ZNF331: variants seen among roughly 807,000 people sequenced by gnomAD.
ZNF331 encodes zinc finger protein 331.
ZNF331 carries 2 observed loss-of-function variants against 7.0 expected under a neutral mutation model. The observed-to-expected ratio is 0.29, with a 90% CI of 0.12 to 0.90. The LOEUF (loss-of-function observed/expected upper bound fraction) is 0.90. Among genes scored for constraint, ZNF331 ranks in the 40% least tolerant of loss-of-function variants. ZNF331 has a pLI of 0.58. For synonymous variants in ZNF331, 196 were observed against 205.4 expected, an observed-to-expected ratio of 0.95 and a Z score of 0.39; for missense variants, 432 against 587.7, an observed-to-expected ratio of 0.74 and a Z score of 2.74.
At chr19:53,530,400 G>C (rs572066182) in intron 2 of ZNF331, among the ~76,000 whole-genome samples, 1 of 151,934 alleles carries the variant, frequency 6.6e-6, no homozygotes, top group Non-Finnish European at 1.5e-5. Context: ...AGTTCAACTG[G>C]AGATTTAGAC....
At chr19:53,559,144 A>G (rs1221662862) in intron 3 of ZNF331, among the ~76,000 whole-genome samples, 1 of 144,162 alleles carries the variant, frequency 6.9e-6, no homozygotes, top group African/African-American at 2.5e-5. Context: ...CCATGTACAC[A>G]CACATATACA....
chr19:53,503,954 T>C, the ZNF331 span: 1 of 626,432 alleles, frequency 1.6e-6, no homozygotes, highest in African/African-American at 1.9e-5. Context: ...CCTGATGTGA[T>C]CTGCCTGGGG....
intron 3 of ZNF331, among the ~76,000 whole-genome samples, chr19:53,559,300 C>G (rs962196045): frequency 1.3e-5 from 2 of 150,398 alleles, no homozygotes; most frequent in South Asian, 4.2e-4. Context: ...CATACGTATA[C>G]AAACACACCC....
rs775913323 is a variant in ZNF331 at position 53,576,898 on chromosome 19, C to T, written c.338C>T (p.Thr113Ile). 1.2e-6 allele frequency: 2 copies of T among 1,613,934 alleles called. No homozygotes were observed. Among genetic ancestry groups the T allele is most frequent in the Non-Finnish European group, 1.7e-6 (2 of 1,179,970 alleles). The change falls in exon 6 of 6, where the codon ACT becomes ATT. Residue 113 changes from threonine (T) to isoleucine (I), a missense_variant. Physicochemically the swap from Thr to Ile is moderately conservative, Grantham distance 89 (BLOSUM62 -1). Around this residue, in one of 3 missense-constraint regions of ZNF331, gnomAD observed 81 missense variants for 70.3 expected, o/e 1.15. Coordinates refer to ENST00000449416, the MANE Select transcript of ZNF331 (RefSeq NM_001079906.2). ...MIINYVKRPA[T>I]REGTPPRTHQ... ...ATCAATTATGTCAAAAGACCTGCTA[C>T]TAGAGAAGGCACCCCTCCTAGAACA...
the ZNF331 span, among the ~76,000 whole-genome samples, chr19:53,507,066 T>C: frequency 1.1e-4 from 16 of 152,278 alleles, no homozygotes; most frequent in South Asian, 2.9e-3. Context: ...AAATGCAGCC[T>C]TCTGTTTTCC....
At position 53,578,719 on chromosome 19, in the gene ZNF331, A is replaced by C. The variant is rs974032872; in HGVS notation, c.*767A>C. 4.8e-6 allele frequency: 1 copy of C among 210,040 alleles called. No individual in the cohort carries two copies. The highest frequency in any genetic ancestry group is 9.7e-6 in the Non-Finnish European group (1 of 103,464). The allele number at this position is 210,040 out of a possible 1,614,324, so 13.0% of individuals were successfully genotyped here. ...GTACAAAGAATATAGGAAGGCCTCT[A>C]GACTACATCCATTCCTTCCTCAACA... On this transcript the variant is annotated 3_prime_UTR_variant, in exon 6 of 6. Transcript: ENST00000449416.
chr19:53,527,020 C>A (rs953096945), intron 2 of ZNF331, among the ~76,000 whole-genome samples: 2 of 151,652 alleles, frequency 1.3e-5, no homozygotes, highest in African/African-American at 4.8e-5. Flanking sequence ...GAAACCCCGT[C>A]TCTACTAAAA....
chr19:53,524,955 A>G (rs1344384363), intron 2 of ZNF331, among the ~76,000 whole-genome samples: 2 of 152,260 alleles, frequency 1.3e-5, no homozygotes, highest in African/African-American at 4.8e-5. Context: ...GATGTAAGGA[A>G]GGGATCCAGT....
At chr19:53,553,706 A>G (rs2089165861) in intron 2 of ZNF331, among the ~76,000 whole-genome samples, 1 of 152,212 alleles carries the variant, frequency 6.6e-6, no homozygotes, top group African/African-American at 2.4e-5. Flanking sequence ...ATTGTTTACA[A>G]TCCAGCAAGC....
chr19:53,554,580 T>C, intron 2 of ZNF331: 1 of 152,156 alleles, frequency 6.6e-6, no homozygotes, highest in Non-Finnish European at 1.5e-5. Context: ...GGCGGCTCTA[T>C]CTCCCGTAAC....
In ZNF331 at chr19:53,558,950, C is replaced by CAAAA. The variant is rs1436679147; in HGVS notation, c.-74+3043_-74+3044insAAAA. On this transcript the variant is annotated intron_variant, in intron 3 of 5. Transcript: ENST00000449416. The surrounding 1 kb of genome is among the most constrained non-coding windows in gnomAD (Gnocchi z 4.5). ...CACATACACACCATACACACATATA[C>CAAAA]ACATACCATATACACACCATACACA... 2.7e-5 allele frequency among the ~76,000 whole-genome samples: 4 copies of CAAAA among 146,122 alleles called. No homozygotes were observed. Among genetic ancestry groups the CAAAA allele is most frequent in the African/African-American group, 1.0e-4 (4 of 39,276 alleles).
At chr19:53,513,825 G>A in the ZNF331 span, among the ~76,000 whole-genome samples, 1 of 152,158 alleles carries the variant, frequency 6.6e-6, no homozygotes, top group Non-Finnish European at 1.5e-5. Flanking sequence ...GGCCAGGCTG[G>A]TCTCAAACTC....
At chr19:53,509,241 G>A in the ZNF331 span, among the ~76,000 whole-genome samples, 12 of 152,074 alleles carry the variant, frequency 7.9e-5, no homozygotes, top group Non-Finnish European at 1.0e-4. Flanking sequence ...TGTGAGCTGC[G>A]TCTCCTCCTC....
intron 2 of ZNF331, among the ~76,000 whole-genome samples, chr19:53,528,880 G>A (rs1260342581): frequency 1.3e-5 from 2 of 151,964 alleles, no homozygotes; most frequent in Admixed American, 6.5e-5. Flanking sequence ...CGCCTCCCAG[G>A]TTTGAGCGAT....
At chr19:53,563,689 A>T (rs2090008119) in intron 3 of ZNF331, 1 of 152,132 alleles carries the variant, frequency 6.6e-6, no homozygotes, top group South Asian at 2.1e-4. Flanking sequence ...ATTGTTGTGT[A>T]TTACTGCATG....
chr19:53,564,649 G>A (rs913814229), intron 3 of ZNF331, among the ~76,000 whole-genome samples: 18 of 152,102 alleles, frequency 1.2e-4, no homozygotes, highest in Admixed American at 9.2e-4. Context: ...CAATTAATCT[G>A]CATCAATATC....
intron 3 of ZNF331, among the ~76,000 whole-genome samples, chr19:53,556,221 CAA>C (rs1568503962): frequency 8.3e-6 from 1 of 120,266 alleles, no homozygotes; most frequent in Non-Finnish European, 1.6e-5. Context: ...CCAGCCTGGG[CAA>C]CACAGCGAGA....
chr19:53,514,933 G>GC (rs2147203561), upstream of ZNF331, among the ~76,000 whole-genome samples: 1 of 152,296 alleles, frequency 6.6e-6, no homozygotes, highest in South Asian at 2.1e-4. Context: ...ACAGGCGGGA[G>GC]CCATGGTGCC....
At chr19:53,508,896 TG>T in the ZNF331 span, among the ~76,000 whole-genome samples, 4 of 152,282 alleles carry the variant, frequency 2.6e-5, no homozygotes, top group East Asian at 7.7e-4. Flanking sequence ...GGTACCAGAA[TG>T]GGACTGACTG....
Sources: gnomAD v4.1 joint callset for allele counts (sites outside exome capture counted in the v4.1 genomes callset) on GRCh38, gnomAD v4.1.1 for gene constraint, gnomAD v4.1.1 regional missense constraint, Gnocchi (gnomAD v3.1) non-coding constraint, MANE v1.5 for transcripts, NCBI Gene and HGNC (gene_info 2026-07-23, HGNC 2026-07-21) for gene names.